The following SLC25A26 variants were observed in gnomAD, a reference collection of about 807,000 sequenced individuals.
SLC25A26 encodes the protein solute carrier family 25 member 26.
SLC25A26 carries 36 observed loss-of-function variants against 37.8 expected under a neutral mutation model. The observed-to-expected ratio is 0.95, with a 90% CI of 0.73 to 1.26. The LOEUF is 1.26. SLC25A26 is among the 50% of genes most tolerant of loss of function. The probability of loss-of-function intolerance (pLI) is 0.00; values close to 1 mark genes in which losing one functional copy is unlikely to be tolerated. For missense variants in SLC25A26, 390 were observed against 331.1 expected, an observed-to-expected ratio of 1.18 and a Z score of -1.38; for synonymous variants, 129 against 122.5, an observed-to-expected ratio of 1.05 and a Z score of -0.35.
intron 9 of SLC25A26, 79 bp downstream of exon 9, chr3:66,370,681 C>G: frequency 1.8e-6 from 2 of 1,087,358 alleles, no homozygotes; most frequent in Non-Finnish European, 2.7e-6. Context: ...ATGAACACCT[C>G]TCCTTCCCTT....
At chr3:66,298,457 G>T (rs1056992237) in intron 5 of SLC25A26, among the ~76,000 whole-genome samples, 9 of 152,096 alleles carry the variant, frequency 5.9e-5, no homozygotes, top group Non-Finnish European at 1.3e-4. Flanking sequence ...TCTTTGTGGG[G>T]TTTTCTTTTT....
chr3:66,270,283 T>A (rs1365479203), intron 5 of SLC25A26, among the ~76,000 whole-genome samples: 1 of 152,226 alleles, frequency 6.6e-6, no homozygotes, highest in Admixed American at 6.5e-5. Flanking sequence ...TTCTTCATCT[T>A]AGCACTTCTA....
rs2071201199 is a variant in SLC25A26, at chr3:66,207,873, A to G, written c.-353-12869A>G. Among the ~76,000 whole-genome samples the G allele has an allele frequency of 3.3e-5, 5 of 152,326 alleles. No individual in the cohort carries two copies. The South Asian group carries it at 1.0e-3, about 32-fold the overall frequency. ...AGAAAGGTGGTATAATAGACAATGT[A>G]CTATTGCTATTACCCAATTGTTGAG... On this transcript the variant is annotated intron_variant, in intron 1 of 10. Coordinates refer to the SLC25A26 transcript ENST00000676754.
rs943748195 is a variant in SLC25A26, at chr3:66,190,555, A to G, written c.-353-30187A>G. 3.8e-3 allele frequency among the ~76,000 whole-genome samples: 581 copies of G among 152,232 alleles called. 4 individuals are homozygous for G. The highest frequency in any genetic ancestry group is 0.01 in the Middle Eastern group (3 of 294). On this transcript the variant is annotated intron_variant, in intron 1 of 10. Coordinates refer to the SLC25A26 transcript ENST00000676754. The stretch of plus-strand genomic sequence containing the variant: ...GTGATTTTCCTGCCTCAGCCTCCCA[A>G]GTAGCTGGGATTACAGGTGTGCACA...
Position 66,262,040 on chromosome 3 carries a change from T to A in SLC25A26, c.301-11T>A. On this transcript the variant is annotated splice_polypyrimidine_tract_variant and intron_variant, in intron 3 of 9. Transcript: ENST00000354883. ...TTTACTTTTTAGGATATAATCAAAT[T>A]TGTCTTTTAGGTTGCCTGCCTGATT... 1 of 1,516,458 alleles carries A rather than the reference T, an allele frequency of 6.6e-7. No individual in the cohort carries two copies. Among genetic ancestry groups the A allele is most frequent in the Non-Finnish European group, 9.0e-7 (1 of 1,116,976 alleles). The allele number at this position is 1,516,458 out of a possible 1,614,324, so 93.9% of individuals were successfully genotyped here.
chr3:66,258,814 ATCTC>A (rs888766594), intron 3 of SLC25A26, among the ~76,000 whole-genome samples: 2 of 149,208 alleles, frequency 1.3e-5, no homozygotes, highest in African/African-American at 4.9e-5. Context: ...GTGAGCCCTC[ATCTC>A]TCTCTTTTTT....
intron 1 of SLC25A26, among the ~76,000 whole-genome samples, chr3:66,233,101 A>G (rs1403603667): frequency 6.6e-6 from 1 of 152,204 alleles, no homozygotes; most frequent in Non-Finnish European, 1.5e-5. Flanking sequence ...AATTTTGCTT[A>G]GTTACATTAC....
intron 5 of SLC25A26, among the ~76,000 whole-genome samples, chr3:66,320,952 T>A (rs2075677183): frequency 6.6e-6 from 1 of 152,174 alleles, no homozygotes; most frequent in Non-Finnish European, 1.5e-5. Context: ...TCCCCCAAAA[T>A]TCTTACATTG....
chr3:66,311,815 C>T (rs1274968012), intron 5 of SLC25A26, among the ~76,000 whole-genome samples: 1 of 152,154 alleles, frequency 6.6e-6, no homozygotes, highest in African/African-American at 2.4e-5. Context: ...GGTATCACCA[C>T]CAGAGGCTGC....
At chr3:66,320,377 G>C (rs2075662623) in intron 5 of SLC25A26, among the ~76,000 whole-genome samples, 1 of 151,974 alleles carries the variant, frequency 6.6e-6, no homozygotes, top group Non-Finnish European at 1.5e-5. Context: ...TTTGTGTTTG[G>C]CTTATTTCAC....
chr3:66,209,687 A>G (rs2071248890), intron 1 of SLC25A26, among the ~76,000 whole-genome samples: 1 of 138,676 alleles, frequency 7.2e-6, no homozygotes, highest in Admixed American at 7.6e-5. Flanking sequence ...ATAGGTATAT[A>G]TAGGTATATA....
intron 5 of SLC25A26, among the ~76,000 whole-genome samples, chr3:66,299,150 G>A (rs2074996225): frequency 6.6e-6 from 1 of 152,166 alleles, no homozygotes; most frequent in Admixed American, 6.5e-5. Flanking sequence ...TGATGTGCGT[G>A]TATATGCACC....
At chr3:66,241,893 G>A (rs904048794) in intron 2 of SLC25A26, among the ~76,000 whole-genome samples, 1 of 151,352 alleles carries the variant, frequency 6.6e-6, no homozygotes, top group Non-Finnish European at 1.5e-5. Context: ...ATTTTGAAGG[G>A]AATGTAGAGA....
intron 5 of SLC25A26, among the ~76,000 whole-genome samples, chr3:66,331,831 G>A (rs1382045304): frequency 1.3e-5 from 2 of 151,986 alleles, no homozygotes; most frequent in African/African-American, 4.8e-5. Flanking sequence ...TCTGTCTCCT[G>A]CTTACATCCC....
At chr3:66,279,267 A>G (rs547572839) in intron 5 of SLC25A26, among the ~76,000 whole-genome samples, 28 of 152,116 alleles carry the variant, frequency 1.8e-4, no homozygotes, top group African/African-American at 6.3e-4. Context: ...CTCCTGTTCT[A>G]ATCCTGTGTT....
chr3:66,201,264 T>C (rs1278649771), intron 1 of SLC25A26, among the ~76,000 whole-genome samples: 1 of 151,582 alleles, frequency 6.6e-6, no homozygotes, highest in East Asian at 1.9e-4. Context: ...CATATAGTTA[T>C]ATATTATATT....
chr3:66,166,146 T>G (rs942493969), intron 1 of SLC25A26, among the ~76,000 whole-genome samples: 18 of 152,336 alleles, frequency 1.2e-4, no homozygotes, highest in Admixed American at 7.2e-4. Flanking sequence ...ACGTGGAAGG[T>G]CAGTCCTATC....
intron 1 of SLC25A26, among the ~76,000 whole-genome samples, chr3:66,208,111 C>T (rs2071204518): frequency 2.0e-5 from 3 of 152,148 alleles, no homozygotes; most frequent in Admixed American, 6.5e-5. Context: ...GGTATTCTCA[C>T]GTTTTGGAAA....
At chr3:66,366,465 G>C (rs1424131770) in intron 7 of SLC25A26, among the ~76,000 whole-genome samples, 1 of 152,152 alleles carries the variant, frequency 6.6e-6, no homozygotes, top group Admixed American at 6.5e-5. Context: ...AGGCAAATTG[G>C]TCTATTAGTA....
Sources: allele counts gnomAD v4.1 joint callset (sites outside exome capture counted in the v4.1 genomes callset), GRCh38; gene constraint gnomAD v4.1.1; transcripts MANE v1.5; gene names NCBI Gene and HGNC (gene_info 2026-07-23, HGNC 2026-07-21).